Variants in GBF1 observed in about 807,000 individuals in gnomAD.
GBF1 encodes the protein Golgi-specific brefeldin A-resistance guanine nucleotide exchange factor 1.
GBF1 carries 114 observed loss-of-function variants against 210.5 expected under a neutral mutation model. The ratio of observed to expected loss-of-function variants is 0.54; its 90% CI spans 0.47 to 0.63. The LOEUF (loss-of-function observed/expected upper bound fraction) is 0.63, where lower values mean the gene tolerates loss of function less well. Ranked by LOEUF, GBF1 falls within the 30% of genes least tolerant of loss-of-function variation. The pLI is 0.00. For missense variants in GBF1, 1,851 were observed against 2,357.7 expected, an observed-to-expected ratio of 0.79 and a Z score of 4.45; for synonymous variants, 850 against 889.2, an observed-to-expected ratio of 0.96 and a Z score of 0.78.
rs1223108519 is a variant in GBF1 at position 102,326,413 on chromosome 10, C to A, written c.164-17638C>A. ...TCAGCTGGCTGTTGAGTCTCTGCTC[C>A]CAGACTGGTGAGTTGGGAAGCAAAC... is the stretch of plus-strand genomic sequence containing the variant. On this transcript the variant is annotated intron_variant, in intron 3 of 39. Transcript: ENST00000369983. 7.2e-5 allele frequency among the ~76,000 whole-genome samples: 11 copies of A among 152,168 alleles called. No individual in the cohort carries two copies. The East Asian group carries it at 1.9e-3, about 27-fold the overall frequency.
chr10:102,287,339 ATTTTCTTTTTT>A (rs1437148748), intron 3 of GBF1, among the ~76,000 whole-genome samples: 3 of 65,210 alleles, frequency 4.6e-5, no homozygotes, highest in Admixed American at 1.7e-4. Flanking sequence ...CTTTTATTTT[ATTTTCTTTTTT>A]TTTTTTTTTT....
chr10:102,231,902 T>C, the GBF1 span: 4 of 1,560,002 alleles, frequency 2.6e-6, no homozygotes, highest in Non-Finnish European at 3.5e-6. Context: ...CCAGCCGGGG[T>C]CCCACCCGCA....
chr10:102,346,186 T>C (rs564441942), intron 4 of GBF1, among the ~76,000 whole-genome samples: 1 of 152,294 alleles, frequency 6.6e-6, no homozygotes, highest in East Asian at 1.9e-4. Flanking sequence ...TTTCACCATA[T>C]TGGCCAGGCT....
At chr10:102,294,621 C>T (rs147560808) in intron 3 of GBF1, among the ~76,000 whole-genome samples, 1,980 of 152,074 alleles carry the variant, frequency 0.013, 23 homozygotes, top group Middle Eastern at 0.041. Context: ...GACCATCTGC[C>T]CACCTCGGCC....
chr10:102,296,311 T>C (rs2076902858), intron 3 of GBF1, among the ~76,000 whole-genome samples: 2 of 152,252 alleles, frequency 1.3e-5, no homozygotes, highest in South Asian at 4.1e-4. Context: ...GTCTCCTGTT[T>C]CCTAACCTTG....
At position 102,331,039 on chromosome 10, in the gene GBF1, G is replaced by A. The variant is rs1185721627; in HGVS notation, c.164-13012G>A. ...ACGATGGCAAAAATGACGATTTCAG[G>A]AGCAGAGATTTACGGAAAGCAGCCT... On this transcript the variant is annotated intron_variant, in intron 3 of 39. Transcript: ENST00000369983. Among the ~76,000 whole-genome samples, 7 of 152,198 alleles carry A rather than the reference G, an allele frequency of 4.6e-5. No homozygotes were observed. In the East Asian group the frequency reaches 7.7e-4, roughly 17 times the overall value.
rs2060520761 is a variant in GBF1, at chr10:102,376,770, C to T, written c.4258C>T (p.Arg1420Trp). 10 of 1,609,100 alleles carry T rather than the reference C, an allele frequency of 6.2e-6. No homozygotes were observed. Among genetic ancestry groups the T allele is most frequent in the South Asian group, 1.1e-5 (1 of 91,076 alleles). Residue 1420 changes from arginine (R) to tryptophan (W), a missense_variant, in exon 32 of 40, where the codon CGG (arginine) becomes TGG (tryptophan). Transcript: ENST00000369983. Reference protein sequence around the residue: ...DNFELCVKTLRIFVEASLNGG... With the variant: ...DNFELCVKTLWIFVEASLNGG... ...CTTTGAGCTCTGCGTCAAGACTCTC[C>T]GGATCTTTGTGGAGGCCAGTCTGAA...
the GBF1 span, among the ~76,000 whole-genome samples, chr10:102,239,449 G>C: frequency 6.6e-6 from 1 of 152,166 alleles, no homozygotes; most frequent in African/African-American, 2.4e-5. Flanking sequence ...ACAGCAATGG[G>C]AGCACAAGCC....
chr10:102,335,818 A>AAAAGG (rs1213499198), intron 3 of GBF1, among the ~76,000 whole-genome samples: 7 of 152,342 alleles, frequency 4.6e-5, no homozygotes, highest in Admixed American at 2.0e-4. Context: ...TCATTTTATT[A>AAAAGG]AAAGGAAGCC....
chr10:102,360,249 A>G lies in GBF1; in HGVS notation c.1246A>G (p.Thr416Ala). Residue 416 changes from threonine to alanine, a missense_variant, in exon 12 of 40, where the codon ACC becomes GCC. This residue lies in a region of GBF1 where 804 missense variants were observed against 958.6 expected (regional missense o/e 0.84). Coordinates refer to ENST00000369983, the MANE Select transcript of GBF1 (RefSeq NM_001377137.1). ...GCTCTTCCGCTTCCTCATCTCCCTCACCAATCCACACGACCGCCATAACTC... is the reference window on the plus strand; with the variant it reads ...GCTCTTCCGCTTCCTCATCTCCCTCGCCAATCCACACGACCGCCATAACTC... ...RELFRFLISL[T>A]NPHDRHNSEV... 6.2e-7 allele frequency: 1 copy of G among 1,613,402 alleles called. No homozygotes were observed. Among genetic ancestry groups the G allele is most frequent in the Non-Finnish European group, 8.5e-7 (1 of 1,179,696 alleles).
chr10:102,244,204 T>C (rs1273256941), upstream of GBF1, among the ~76,000 whole-genome samples: 1 of 152,210 alleles, frequency 6.6e-6, no homozygotes, highest in Non-Finnish European at 1.5e-5. Context: ...CGGATGGTCT[T>C]TGGATGTCTG....
rs887828833 is a variant in GBF1, at chr10:102,365,478, A to G, written c.2188A>G (p.Ile730Val). ...TCTGCAAGAGAAAGGCCTCCTCACC[A>G]TCCCAATGGACAACACAGAGGTTGC... The part of the protein sequence containing the change: ...QFLQEKGLLT[I>V]PMDNTEVAQW... The change falls in exon 18 of 40, where the codon ATC becomes GTC. Residue 730 changes from isoleucine to valine, a missense_variant. Ile to Val is a conservative substitution (Grantham distance 29, BLOSUM62 3). Around this residue, in one of 3 missense-constraint regions of GBF1, gnomAD observed 804 missense variants for 958.6 expected, o/e 0.84. Transcript: ENST00000369983. The G allele has an allele frequency of 5.6e-6, 9 of 1,613,896 alleles. No homozygotes were observed. In the Admixed American group the frequency reaches 8.3e-5, roughly 15 times the overall value.
At chr10:102,313,506 G>A (rs758404055) in intron 3 of GBF1, among the ~76,000 whole-genome samples, 3 of 152,118 alleles carry the variant, frequency 2.0e-5, no homozygotes, top group South Asian at 4.2e-4. Flanking sequence ...TTATGAGCTC[G>A]TCTGGACTGG....
chr10:102,335,623 T>G (rs2057675073), intron 3 of GBF1, among the ~76,000 whole-genome samples: 1 of 152,200 alleles, frequency 6.6e-6, no homozygotes, highest in South Asian at 2.1e-4. Context: ...TGGATGGACC[T>G]GGATTTGATT....
intron 3 of GBF1, among the ~76,000 whole-genome samples, chr10:102,324,960 T>G (rs2056764715): frequency 6.6e-6 from 1 of 152,192 alleles, no homozygotes; most frequent in Non-Finnish European, 1.5e-5. Flanking sequence ...CTTGTGAGAA[T>G]TACATGAGTT....
rs1414051845 is a variant in GBF1, at chr10:102,365,576, T to G, written c.2286T>G (p.Ile762Met). 2.5e-6 allele frequency: 4 copies of G among 1,614,050 alleles called. No individual in the cohort carries two copies. In the Admixed American group the frequency reaches 5.0e-5, roughly 20 times the overall value. ...AGTTTGTGAGTGACCGCAAAAACAT[T>G]GACCTGTTGGAGAGCTTTGTGAGGT... The part of the protein sequence containing the change: ...IGEFVSDRKN[I>M]DLLESFVSTF... The change falls in exon 18 of 40, where the codon ATT (isoleucine) becomes ATG (methionine). Residue 762 changes from isoleucine to methionine, a missense_variant. By Grantham distance (10) the Ile-to-Met change is conservative (BLOSUM62 1). Around this residue, in one of 3 missense-constraint regions of GBF1, gnomAD observed 804 missense variants for 958.6 expected, o/e 0.84. Coordinates refer to ENST00000369983, the MANE Select transcript of GBF1 (RefSeq NM_001377137.1).
chr10:102,260,473 C>CTTTTTTTTTTT lies in GBF1; in HGVS notation c.163+359_163+360insTTTTTTTTTTT, dbSNP rs879575033. Reference sequence around the variant, plus strand: ...CTGTGCCTGGCCTATATTTTCCTTTCTTCTTTTTTTTTTTTTTTTTTTTTT... The same window carrying CTTTTTTTTTTT: ...CTGTGCCTGGCCTATATTTTCCTTTCTTTTTTTTTTTTTCTTTTTTTTTTTTTTTTTTTTTT... On this transcript the variant is annotated intron_variant, in intron 3 of 39. Transcript: ENST00000369983. 2.8e-3 allele frequency among the ~76,000 whole-genome samples: 210 copies of CTTTTTTTTTTT among 74,722 alleles called. 34 individuals carry two copies. Among genetic ancestry groups the CTTTTTTTTTTT allele is most frequent in the African/African-American group, 6.9e-3 (99 of 14,360 alleles). 49.0% of individuals were successfully genotyped at this position (74,722 alleles called of 152,430 possible).
intron 3 of GBF1, among the ~76,000 whole-genome samples, chr10:102,295,782 A>G (rs1044392176): frequency 2.0e-5 from 3 of 152,162 alleles, no homozygotes; most frequent in African/African-American, 7.2e-5. Flanking sequence ...ATGAGGAGAA[A>G]AGGAATCCAG....
At chr10:102,350,306 C>T (rs888110966) in intron 4 of GBF1, among the ~76,000 whole-genome samples, 10 of 151,026 alleles carry the variant, frequency 6.6e-5, no homozygotes, top group African/African-American at 2.2e-4. Context: ...GCCAGGATCT[C>T]ACCATAGCAC....
Sources: gnomAD v4.1 joint callset for allele counts (sites outside exome capture counted in the v4.1 genomes callset) on GRCh38, gnomAD v4.1.1 for gene constraint, gnomAD v4.1.1 regional missense constraint, MANE v1.5 for transcripts, NCBI Gene and HGNC (gene_info 2026-07-23, HGNC 2026-07-21) for gene names.